Variants in TBC1D1 observed in about 807,000 individuals in gnomAD.
The protein encoded by TBC1D1 is TBC1 (tre-2/USP6, BUB2, cdc16) domain family, member 1.
TBC1D1 carries 89 observed loss-of-function variants against 125.6 expected under a neutral mutation model. The ratio of observed to expected loss-of-function variants is 0.71; its 90% confidence interval spans 0.60 to 0.85. The LOEUF (loss-of-function observed/expected upper bound fraction) is 0.85. Among genes scored for constraint, TBC1D1 ranks in the 40% least tolerant of loss-of-function variants. The pLI is 0.00. For missense variants in TBC1D1, 1,377 were observed against 1,469.2 expected (o/e 0.94, Z 1.03); for synonymous variants, 565 against 564.1 (o/e 1.00, Z -0.02).
At chr4:38,086,773 G>A (rs910588462) in intron 12 of TBC1D1, among the ~76,000 whole-genome samples, 1 of 152,194 alleles carries the variant, frequency 6.6e-6, no homozygotes, top group African/African-American at 2.4e-5. Context: ...TATTCAGAGT[G>A]TGCTTGGAGA....
intron 2 of TBC1D1, among the ~76,000 whole-genome samples, chr4:37,926,897 G>A (rs1334929195): frequency 6.6e-6 from 1 of 152,162 alleles, no homozygotes; most frequent in African/African-American, 2.4e-5. Context: ...CGGGTGGATT[G>A]CTTGAGGCCA....
intron 2 of TBC1D1, among the ~76,000 whole-genome samples, chr4:37,975,482 T>C (rs1161918474): frequency 6.6e-6 from 1 of 152,170 alleles, no homozygotes; most frequent in Non-Finnish European, 1.5e-5. Context: ...GGTGGAGTAG[T>C]AGAGTCTTCT....
chr4:38,112,770 C>T (rs1349980227), intron 15 of TBC1D1, among the ~76,000 whole-genome samples: 2 of 152,192 alleles, frequency 1.3e-5, no homozygotes, highest in African/African-American at 4.8e-5. Context: ...ACCCTGGCTC[C>T]AGGGACTATG....
chr4:38,092,299 C>T (rs1161249285), intron 13 of TBC1D1, among the ~76,000 whole-genome samples: 1 of 152,080 alleles, frequency 6.6e-6, no homozygotes, highest in Non-Finnish European at 1.5e-5. Context: ...TTGATAAAAA[C>T]AAGAGTTAAG....
chr4:37,962,369 T>A (rs1730226278), intron 2 of TBC1D1, among the ~76,000 whole-genome samples: 1 of 152,224 alleles, frequency 6.6e-6, no homozygotes, highest in Non-Finnish European at 1.5e-5. Flanking sequence ...GAACCATAGG[T>A]GTATCCCATG....
At chr4:37,894,491 A>G (rs1714117076) in intron 1 of TBC1D1, among the ~76,000 whole-genome samples, 1 of 152,186 alleles carries the variant, frequency 6.6e-6, no homozygotes, top group Admixed American at 6.6e-5. Context: ...TTTAATTTTG[A>G]GTGTGCCTGT....
chr4:37,963,968 C>T (rs1282740975), intron 2 of TBC1D1, among the ~76,000 whole-genome samples: 1 of 152,190 alleles, frequency 6.6e-6, no homozygotes, highest in Non-Finnish European at 1.5e-5. Flanking sequence ...CTCTCTGTAG[C>T]TTTCATAGCA....
chr4:37,999,290 TTA>T (rs1738509929), intron 2 of TBC1D1, among the ~76,000 whole-genome samples: 1 of 152,134 alleles, frequency 6.6e-6, no homozygotes, highest in Non-Finnish European at 1.5e-5. Context: ...TGGAAGGGTT[TTA>T]TGTTTCTTTC....
At chr4:38,106,457 A>C (rs1761315540) in intron 15 of TBC1D1, among the ~76,000 whole-genome samples, 1 of 152,192 alleles carries the variant, frequency 6.6e-6, no homozygotes, top group South Asian at 2.1e-4. Flanking sequence ...CACTGACCTG[A>C]GGAAAGCAGT....
intron 2 of TBC1D1, among the ~76,000 whole-genome samples, chr4:37,964,665 C>G (rs1159784474): frequency 2.0e-5 from 3 of 152,246 alleles, no homozygotes; most frequent in Non-Finnish European, 1.5e-5. Context: ...TACTGCGGGT[C>G]TCACTTTCTT....
At chr4:37,910,742 C>T (rs943338429) in intron 2 of TBC1D1, among the ~76,000 whole-genome samples, 3 of 151,814 alleles carry the variant, frequency 2.0e-5, no homozygotes, top group Non-Finnish European at 2.9e-5. Flanking sequence ...TTTGATACAA[C>T]GGAGTGACCA....
chr4:38,094,029 TA>T (rs1224276729), intron 13 of TBC1D1, among the ~76,000 whole-genome samples: 4 of 152,234 alleles, frequency 2.6e-5, no homozygotes, highest in African/African-American at 4.8e-5. Context: ...GTTTTTTATT[TA>T]AAAAACATTT....
chr4:37,943,393 G>A (rs554945669), intron 2 of TBC1D1, among the ~76,000 whole-genome samples: 16 of 151,310 alleles, frequency 1.1e-4, no homozygotes, highest in Non-Finnish European at 1.8e-4. Context: ...GCCTTGCTAG[G>A]TTGGGGAAGT....
chr4:37,942,994 T>C (rs1012507133), intron 2 of TBC1D1, among the ~76,000 whole-genome samples: 4 of 152,314 alleles, frequency 2.6e-5, no homozygotes, highest in Admixed American at 2.6e-4. Flanking sequence ...TTTCCATGTT[T>C]AGTGCTTCCC....
intron 2 of TBC1D1, among the ~76,000 whole-genome samples, chr4:38,008,437 G>A (rs1740798090): frequency 6.6e-6 from 1 of 152,184 alleles, no homozygotes; most frequent in Non-Finnish European, 1.5e-5. Flanking sequence ...TGTTTGCATA[G>A]ACCATCTCTG....
intron 12 of TBC1D1, among the ~76,000 whole-genome samples, chr4:38,066,428 G>A (rs1394962665): frequency 6.6e-6 from 1 of 152,016 alleles, no homozygotes; most frequent in Non-Finnish European, 1.5e-5. Flanking sequence ...GACCTCTTGG[G>A]CTCAAGCAGT....
intron 11 of TBC1D1, 110 bp downstream of exon 12, chr4:38,052,170 T>C: frequency 3.9e-6 from 1 of 258,792 alleles, no homozygotes; most frequent in Non-Finnish European, 5.9e-6. Flanking sequence ...AGAGCCACTG[T>C]GTGTGTGTGT....
chr4:37,907,183 GA>G (rs1717523477), intron 2 of TBC1D1, among the ~76,000 whole-genome samples: 1 of 152,130 alleles, frequency 6.6e-6, no homozygotes, highest in Non-Finnish European at 1.5e-5. Flanking sequence ...AATATATGAA[GA>G]AAATTTGGCC....
chr4:38,132,963 TGTAGAGCTAAGC>T lies in TBC1D1; in HGVS notation c.3133-114_3133-103del, dbSNP rs1285917682. ...CTTATTTATTACTTCTAGTACCAAG[TGTAGAGCTAAGC>T]GTAGAGGAGACGCTTCACAGGTGCG... On this transcript the variant is annotated intron_variant, in intron 18 of 19. Transcript: ENST00000261439. The T allele has an allele frequency of 1.1e-4, 79 of 731,656 alleles. No individual in the cohort carries two copies. The African/African-American group carries it at 1.3e-3, about 12-fold the overall frequency. The allele number at this position is 731,656 out of a possible 1,614,324, so 45.3% of individuals were successfully genotyped here.
Sources: gnomAD v4.1 joint callset for allele counts (sites outside exome capture counted in the v4.1 genomes callset) on GRCh38, gnomAD v4.1.1 for gene constraint, MANE v1.5 for transcripts, NCBI Gene and HGNC (gene_info 2026-07-23, HGNC 2026-07-21) for gene names.